The following LRRC28 variants were observed in gnomAD, a reference collection of about 807,000 sequenced individuals.
The protein encoded by LRRC28 is leucine-rich repeat-containing protein 28.
LRRC28 carries 39 observed loss-of-function variants against 45.7 expected under a neutral mutation model. The ratio of observed to expected loss-of-function variants is 0.85; its 90% CI spans 0.66 to 1.12. The LOEUF is 1.12. Ranked by LOEUF, LRRC28 falls within the 50% of genes most tolerant of loss-of-function variation. LRRC28 has a pLI of 0.00. For missense variants in LRRC28, 435 were observed against 438.5 expected, an observed-to-expected ratio of 0.99 and a Z score of 0.07; for synonymous variants, 206 against 178.8, an observed-to-expected ratio of 1.15 and a Z score of -1.22.
intron 5 of LRRC28, among the ~76,000 whole-genome samples, chr15:99,333,044 C>T (rs1173332641): frequency 6.6e-6 from 1 of 152,168 alleles, no homozygotes; most frequent in African/African-American, 2.4e-5. Flanking sequence ...GTAGGCTTGT[C>T]CTGCACAGTG....
chr15:99,296,411 C>T (rs1301056795), intron 5 of LRRC28, among the ~76,000 whole-genome samples: 7 of 152,190 alleles, frequency 4.6e-5, no homozygotes, highest in Non-Finnish European at 1.0e-4. Flanking sequence ...ATATTCAAGG[C>T]TCTTCACCCC....
chr15:99,253,109 T>C (rs1597131473), intron 1 of LRRC28, among the ~76,000 whole-genome samples: 1 of 144,458 alleles, frequency 6.9e-6, no homozygotes, highest in Non-Finnish European at 1.5e-5. Context: ...GGGAATTACT[T>C]TGGGATAGGG....
intron 5 of LRRC28, among the ~76,000 whole-genome samples, chr15:99,288,811 C>G (rs1476961545): frequency 6.6e-6 from 1 of 152,084 alleles, no homozygotes; most frequent in African/African-American, 2.4e-5. Flanking sequence ...TTCCAAGTAG[C>G]TTGGACTACA....
intron 5 of LRRC28, among the ~76,000 whole-genome samples, chr15:99,310,777 T>C (rs1374254778): frequency 6.6e-6 from 1 of 152,198 alleles, no homozygotes; most frequent in Non-Finnish European, 1.5e-5. Flanking sequence ...AAGTCATACA[T>C]GGTGGCCTGC....
At chr15:99,258,914 A>C (rs1442255339) in intron 2 of LRRC28, 6 of 721,978 alleles carry the variant, frequency 8.3e-6, no homozygotes, top group Non-Finnish European at 1.6e-5. Context: ...GAATTTTGTC[A>C]AGGGTGTGGT....
rs139412378 is a variant in LRRC28 at position 99,279,691 on chromosome 15, G to A, written c.209+3075G>A. On this transcript the variant is annotated intron_variant, in intron 3 of 9. Coordinates refer to ENST00000301981, the MANE Select transcript of LRRC28 (RefSeq NM_144598.5). ...AAATACCATGAAGCCTACAACCCAC[G>A]GTTCTTACTGACGCTCAGTCATTTT... 1.9e-3 allele frequency among the ~76,000 whole-genome samples: 288 copies of A among 152,228 alleles called. 1 individual carries two copies. Among genetic ancestry groups the A allele is most frequent in the African/African-American group, 6.8e-3 (284 of 41,520 alleles).
chr15:99,359,800 C>A (rs1957148462), intron 7 of LRRC28, among the ~76,000 whole-genome samples: 1 of 152,150 alleles, frequency 6.6e-6, no homozygotes, highest in African/African-American at 2.4e-5. Flanking sequence ...CTAAATCTAT[C>A]TTGATTGGCA....
chr15:99,377,646 G>A (rs1269285106), intron 9 of LRRC28, among the ~76,000 whole-genome samples: 1 of 152,026 alleles, frequency 6.6e-6, no homozygotes, highest in Non-Finnish European at 1.5e-5. Flanking sequence ...GTATTGCCTA[G>A]GTTTTCTTCT....
At chr15:99,376,997 A>G (rs564456668) in intron 9 of LRRC28, among the ~76,000 whole-genome samples, 3 of 152,324 alleles carry the variant, frequency 2.0e-5, no homozygotes, top group South Asian at 2.1e-4. Context: ...TAGTGCCGCA[A>G]TAAACATACG....
intron 9 of LRRC28, among the ~76,000 whole-genome samples, chr15:99,378,787 A>G (rs997282173): frequency 3.9e-5 from 6 of 152,182 alleles, no homozygotes; most frequent in South Asian, 2.1e-4. Context: ...TTCTGCATCT[A>G]TTGAGATAAT....
chr15:99,377,550 G>C (rs555565323), intron 9 of LRRC28, among the ~76,000 whole-genome samples: 31 of 152,274 alleles, frequency 2.0e-4, no homozygotes, highest in Non-Finnish European at 3.8e-4. Flanking sequence ...AGTTTAAATA[G>C]ATCCCATTTG....
chr15:99,285,493 C>A, intron 3 of LRRC28: 1 of 1,049,608 alleles, frequency 9.5e-7, no homozygotes. Flanking sequence ...ACTCCTCAGG[C>A]TCTCATCGGT....
intron 9 of LRRC28, among the ~76,000 whole-genome samples, chr15:99,368,447 T>A (rs927211060): frequency 6.6e-6 from 1 of 152,176 alleles, no homozygotes; most frequent in Non-Finnish European, 1.5e-5. Context: ...TTAAGAATAA[T>A]CCTCTTTGGC....
At position 99,333,966 on chromosome 15, in the gene LRRC28, C is replaced by T. The variant is rs2152294156; in HGVS notation, c.429C>T (p.Thr143=). 1 of 1,613,926 alleles carries T rather than the reference C, an allele frequency of 6.2e-7. No individual in the cohort carries two copies. The highest frequency in any genetic ancestry group is 2.2e-5 in the East Asian group (1 of 44,896). The part of the protein sequence containing the change: ...LKELQTLDIS[T]NRLLTLPERL... The stretch of plus-strand genomic sequence containing the variant: ...AGCTGCAGACACTAGACATTTCTAC[C>T]AATCGTTTGCTAACTTTACCCGAGA... Residue 143 remains threonine, a synonymous_variant, in exon 6 of 10, where the codon ACC becomes ACT. Transcript: ENST00000301981.
At chr15:99,271,685 C>T (rs1366262669) in intron 2 of LRRC28, among the ~76,000 whole-genome samples, 5 of 152,340 alleles carry the variant, frequency 3.3e-5, no homozygotes, top group Admixed American at 6.5e-5. Flanking sequence ...CAACCTCCCC[C>T]TCCTGGGTTC....
intron 2 of LRRC28, among the ~76,000 whole-genome samples, chr15:99,263,600 A>C (rs2152133724): frequency 6.6e-6 from 1 of 152,340 alleles, no homozygotes; most frequent in Non-Finnish European, 1.5e-5. Flanking sequence ...GAGAGCTTTC[A>C]AGAGCAGGAA....
At chr15:99,363,340 A>C (rs1957258909) in intron 9 of LRRC28, 75 bp downstream of exon 9, 2 of 1,533,298 alleles carry the variant, frequency 1.3e-6, no homozygotes, top group Non-Finnish European at 8.9e-7. Context: ...GAGGCTGTGC[A>C]TGAAAGCATT....
intron 2 of LRRC28, among the ~76,000 whole-genome samples, chr15:99,263,821 C>G (rs1364851271): frequency 6.6e-6 from 1 of 152,154 alleles, no homozygotes; most frequent in Admixed American, 6.5e-5. Flanking sequence ...GTACCCATCA[C>G]TCTTCAAGAC....
rs117962706 is a variant in LRRC28, at chr15:99,292,813, G to A, written c.385+4862G>A. Among the ~76,000 whole-genome samples, 988 of 152,284 alleles carry A rather than the reference G, an allele frequency of 6.5e-3. 9 individuals are homozygous for A. Among genetic ancestry groups the A allele is most frequent in the Middle Eastern group, 0.01 (3 of 294 alleles). ...ATTTCAGTCAGGGATGATAGCAGCC[G>A]AGGATCTCTTGTCTTTGAAAATGTG... On this transcript the variant is annotated intron_variant, in intron 5 of 9. Transcript: ENST00000301981.
Sources: allele counts gnomAD v4.1 joint callset (sites outside exome capture counted in the v4.1 genomes callset), GRCh38; gene constraint gnomAD v4.1.1; transcripts MANE v1.5; gene names NCBI Gene and HGNC (gene_info 2026-07-23, HGNC 2026-07-21).